Variants in MS4A10 observed in about 807,000 individuals in gnomAD.
MS4A10 encodes membrane spanning 4-domains A10.
Under a neutral mutation model 27.7 loss-of-function variants are expected in MS4A10, and 27 were observed. The ratio of observed to expected loss-of-function variants is 0.98; its 90% CI spans 0.72 to 1.35. MS4A10 has a LOEUF of 1.35. Among genes scored for constraint, MS4A10 ranks in the 40% most tolerant of loss-of-function variants. MS4A10 has a pLI of 0.00. For missense variants in MS4A10, 338 were observed against 324.7 expected (o/e 1.04, Z -0.32); for synonymous variants, 139 against 131.2 (o/e 1.06, Z -0.41).
At chr11:60,789,457 C>G (rs994441127) in intron 1 of MS4A10, among the ~76,000 whole-genome samples, 3 of 152,248 alleles carry the variant, frequency 2.0e-5, no homozygotes, top group Non-Finnish European at 4.4e-5. Context: ...GTCTGCAGGT[C>G]GTGTGTCCAG....
At chr11:60,793,885 G>A (rs953501720) in intron 4 of MS4A10, 87 bp from the exon 5 acceptor site, 5 of 1,472,876 alleles carry the variant, frequency 3.4e-6, no homozygotes, top group Non-Finnish European at 4.7e-6. Context: ...TGAGGCTACA[G>A]AGGAAGCTAC....
rs771495472 is a variant in MS4A10 at position 60,790,963 on chromosome 11, TC to T, written c.184-7del. 2.5e-6 allele frequency: 4 copies of T among 1,613,854 alleles called. No individual in the cohort carries two copies. Among genetic ancestry groups the T allele is most frequent in the Non-Finnish European group, 3.4e-6 (4 of 1,179,882 alleles). ...TGCCCTCACCCCAGCCATTCTCTCTTCCCCACCCAGGCCTTCCACATCACCA... is the reference window on the plus strand; with the variant it reads ...TGCCCTCACCCCAGCCATTCTCTCTTCCCACCCAGGCCTTCCACATCACCA... On this transcript the variant is annotated splice_polypyrimidine_tract_variant and intron_variant, in intron 2 of 7. Coordinates refer to ENST00000308287, the MANE Select transcript of MS4A10 (RefSeq NM_206893.4).
At chr11:60,793,051 GAACATCCCTGC>G (rs1565081798) in intron 4 of MS4A10, among the ~76,000 whole-genome samples, 1 of 152,132 alleles carries the variant, frequency 6.6e-6, no homozygotes, top group Non-Finnish European at 1.5e-5. Flanking sequence ...ATGATGGAAG[GAACATCCCTGC>G]AAATCACAGC....
rs530144363 is a variant in MS4A10, at chr11:60,800,689, C to A, written c.*780C>A. Reference sequence around the variant, plus strand: ...GCTGCTTCTAACCTTCTATAGATTGCAGCTGGCTTTAAAATAGATTGTAAA... The same window carrying A: ...GCTGCTTCTAACCTTCTATAGATTGAAGCTGGCTTTAAAATAGATTGTAAA... On this transcript the variant is annotated 3_prime_UTR_variant, in exon 8 of 8. Transcript: ENST00000308287. 1.3e-5 allele frequency: 2 copies of A among 152,236 alleles called. No individual in the cohort carries two copies. Among genetic ancestry groups the A allele is most frequent in the East Asian group, 1.9e-4 (1 of 5,178 alleles). 9.4% of individuals were successfully genotyped at this position (152,236 alleles called of 1,614,324 possible). A position where few individuals can be genotyped will look rare whatever the true frequency, so the allele number is the denominator to read the frequency against.
chr11:60,788,109 G>C (rs1455001821), intron 1 of MS4A10, among the ~76,000 whole-genome samples: 1 of 152,174 alleles, frequency 6.6e-6, no homozygotes, highest in South Asian at 2.1e-4. Context: ...CTAAAACAGA[G>C]TGTGCCACTT....
intron 1 of MS4A10, among the ~76,000 whole-genome samples, chr11:60,788,522 G>A (rs1854375473): frequency 6.6e-6 from 1 of 152,200 alleles, no homozygotes; most frequent in South Asian, 2.1e-4. Context: ...ACCTGGTTCA[G>A]GCCTCTGCCA....
Position 60,792,047 on chromosome 11 carries a change from G to T in MS4A10, c.304-218G>T, listed in dbSNP as rs987128471. Among the ~76,000 whole-genome samples, 96 of 152,300 alleles carry T rather than the reference G, an allele frequency of 6.3e-4. 1 individual carries two copies. Among genetic ancestry groups the T allele is most frequent in the African/African-American group, 2.2e-3 (91 of 41,560 alleles). On this transcript the variant is annotated intron_variant, in intron 3 of 7. Coordinates refer to ENST00000308287, the MANE Select transcript of MS4A10 (RefSeq NM_206893.4). ...GTCCAAGGTGTAGAGATGGGAGGAG[G>T]TATGGAGGTTTGTGCACATGGGAAG...
intron 4 of MS4A10, among the ~76,000 whole-genome samples, chr11:60,793,152 C>T (rs930526190): frequency 6.6e-6 from 1 of 152,184 alleles, no homozygotes; most frequent in Non-Finnish European, 1.5e-5. Context: ...GTCCCTCAGC[C>T]TGGCTAGGCT....
In MS4A10 at chr11:60,795,581, C is replaced by G. The variant is rs1245258310; in HGVS notation, c.519C>G (p.Ala173=). Residue 173 remains alanine, a synonymous_variant, in exon 6 of 8, where the codon GCC becomes GCG. Coordinates refer to ENST00000308287, the MANE Select transcript of MS4A10 (RefSeq NM_206893.4). ...STVHIQRLEL[A]LLCFTVLELF... Reference sequence around the variant, plus strand: ...TCCACATCCAGAGGCTGGAGCTGGCCTTGCTCTGCTTCACTGTCCTAGAGC... The same window carrying G: ...TCCACATCCAGAGGCTGGAGCTGGCGTTGCTCTGCTTCACTGTCCTAGAGC... The G allele has an allele frequency of 6.3e-7, 1 of 1,580,658 alleles. No individual in the cohort carries two copies. Among genetic ancestry groups the G allele is most frequent in the African/African-American group, 1.4e-5 (1 of 73,422 alleles).
intron 5 of MS4A10, 115 bp from the exon 6 acceptor site, chr11:60,795,440 C>T: frequency 1.8e-6 from 1 of 552,132 alleles, no homozygotes; most frequent in South Asian, 4.1e-5. Flanking sequence ...GAGCTGAAAC[C>T]CCACCTGCCC....
At position 60,798,475 on chromosome 11, in the gene MS4A10, G is replaced by C; in HGVS notation, c.683G>C (p.Ser228Thr). 2 of 1,614,130 alleles carry C rather than the reference G, an allele frequency of 1.2e-6. No individual in the cohort carries two copies. The highest frequency in any genetic ancestry group is 1.3e-5 in the African/African-American group (1 of 75,062). The part of the protein sequence containing the change: ...LPVEPPPSYQ[S>T]VIQGDAQHKQ... ...GTGGAGCCCCCGCCATCCTACCAGA[G>C]TGTGATTCAAGGCGACGCACAACAC... The change falls in exon 7 of 8, where the codon AGT becomes ACT. Residue 228 changes from serine (S) to threonine (T), a missense_variant. Coordinates refer to ENST00000308287, the MANE Select transcript of MS4A10 (RefSeq NM_206893.4).
chr11:60,786,810 G>T (rs1208929432), intron 1 of MS4A10, among the ~76,000 whole-genome samples: 1 of 152,186 alleles, frequency 6.6e-6, no homozygotes, highest in African/African-American at 2.4e-5. Context: ...CCTGTCAGTT[G>T]CAGGCATTGT....
chr11:60,799,706 T>G (rs1418619974), intron 7 of MS4A10, 122 bp from the exon 8 acceptor site: 2 of 663,100 alleles, frequency 3.0e-6, no homozygotes, highest in East Asian at 2.7e-5. Flanking sequence ...GCTCACTCTT[T>G]GAATCTTTAC....
At chr11:60,786,262 G>C (rs1332240445) in intron 1 of MS4A10, among the ~76,000 whole-genome samples, 1 of 151,920 alleles carries the variant, frequency 6.6e-6, no homozygotes, top group Admixed American at 6.6e-5. Context: ...AGTCTGATGA[G>C]GGTCATATTA....
At chr11:60,795,080 A>G (rs910897115) in intron 5 of MS4A10, among the ~76,000 whole-genome samples, 7 of 152,158 alleles carry the variant, frequency 4.6e-5, no homozygotes, top group African/African-American at 7.2e-5. Context: ...GCGAGCATGC[A>G]TGGACACACA....
intron 5 of MS4A10, among the ~76,000 whole-genome samples, chr11:60,794,431 C>T (rs1031510743): frequency 4.6e-5 from 7 of 152,232 alleles, no homozygotes; most frequent in Admixed American, 1.3e-4. Flanking sequence ...CCAGCCAGGG[C>T]TCTAAGCATG....
At chr11:60,795,855 GC>G (rs1219979554) in intron 6 of MS4A10, among the ~76,000 whole-genome samples, 190 bp downstream of exon 6, 4 of 152,142 alleles carry the variant, frequency 2.6e-5, no homozygotes, top group African/African-American at 9.7e-5. Flanking sequence ...AAGAGAGGAG[GC>G]CAATCCAAGG....
At chr11:60,798,756 A>G (rs1854576443) in intron 7 of MS4A10, among the ~76,000 whole-genome samples, 1 of 152,150 alleles carries the variant, frequency 6.6e-6, no homozygotes, top group South Asian at 2.1e-4. Context: ...GTTGACCAGA[A>G]CTACCTCAGC....
At chr11:60,788,332 A>T (rs1854373213) in intron 1 of MS4A10, among the ~76,000 whole-genome samples, 1 of 152,216 alleles carries the variant, frequency 6.6e-6, no homozygotes. Flanking sequence ...TCACAAGTGA[A>T]TGTCTAGGTG....
Sources: gnomAD v4.1 joint callset for allele counts (sites outside exome capture counted in the v4.1 genomes callset) on GRCh38, gnomAD v4.1.1 for gene constraint, MANE v1.5 for transcripts, NCBI Gene and HGNC (gene_info 2026-07-23, HGNC 2026-07-21) for gene names.